The following MTNR1B variants were observed in gnomAD, a reference collection of about 807,000 sequenced individuals.
The protein encoded by MTNR1B is melatonin receptor 1B, also known as melatonin receptor type 1B.
A neutral mutation model predicts 7.0 loss-of-function variants in MTNR1B; 7 were observed. The ratio of observed to expected loss-of-function variants is 1.00; its 90% CI spans 0.57 to 1.88. The LOEUF is 1.88. Among genes scored for constraint, MTNR1B ranks in the 40% most tolerant of loss-of-function variants. The probability of loss-of-function intolerance (pLI) is 0.00; values close to 1 mark genes in which losing one functional copy is unlikely to be tolerated. For missense variants in MTNR1B, 478 were observed against 486.5 expected (o/e 0.98, Z 0.16); for synonymous variants, 226 against 208.2 (o/e 1.09, Z -0.74).
chr11:92,980,946 G>A lies in MTNR1B; in HGVS notation c.224-501G>A, dbSNP rs1463597727. ...TGTAAAGACACTTAGAAAGTAGCCT[G>A]TTAACCAGTGGGGAGAAAATGCAAA... On this transcript the variant is annotated intron_variant, in intron 1 of 1. Coordinates refer to ENST00000257068, the MANE Select transcript of MTNR1B (RefSeq NM_005959.5). Among the ~76,000 whole-genome samples the A allele has an allele frequency of 2.6e-5, 4 of 152,324 alleles. No homozygotes were observed. In the East Asian group the frequency reaches 7.7e-4, roughly 29 times the overall value.
At position 92,982,532 on chromosome 11, in the gene MTNR1B, C is replaced by T; in HGVS notation, c.*220C>T. On this transcript the variant is annotated 3_prime_UTR_variant, in exon 2 of 2. Coordinates refer to ENST00000257068, the MANE Select transcript of MTNR1B (RefSeq NM_005959.5). ...CAGGCCACAGGACCTGGAAAACACTCTTGGTGGTGTCTTGGGGATTTGGTG... is the reference window on the plus strand; with the variant it reads ...CAGGCCACAGGACCTGGAAAACACTTTTGGTGGTGTCTTGGGGATTTGGTG... 1.7e-6 allele frequency: 1 copy of T among 584,860 alleles called. No homozygotes were observed. Among genetic ancestry groups the T allele is most frequent in the Admixed American group, 3.2e-5 (1 of 31,668 alleles). The allele number at this position is 584,860 out of a possible 1,614,324, so 36.2% of individuals were successfully genotyped here.
At chr11:92,974,169 T>G (rs1857975606) in intron 1 of MTNR1B, among the ~76,000 whole-genome samples, 1 of 152,180 alleles carries the variant, frequency 6.6e-6, no homozygotes, top group Non-Finnish European at 1.5e-5. Flanking sequence ...CCTACCCATG[T>G]CTCATCTTGA....
At chr11:92,976,577 A>C (rs1337932905) in intron 1 of MTNR1B, among the ~76,000 whole-genome samples, 2 of 152,044 alleles carry the variant, frequency 1.3e-5, no homozygotes, top group Non-Finnish European at 2.9e-5. Flanking sequence ...CCTAAGCGCC[A>C]CTCTCTATCT....
chr11:92,972,835 T>A (rs1208213981), intron 1 of MTNR1B, among the ~76,000 whole-genome samples: 1 of 152,176 alleles, frequency 6.6e-6, no homozygotes, highest in African/African-American at 2.4e-5. Context: ...TTCTGGAAAC[T>A]TCCTCCATGT....
At position 92,981,768 on chromosome 11, in the gene MTNR1B, A is replaced by G; in HGVS notation, c.545A>G (p.Glu182Gly). ...CCCAACTTCTTTGTGGGGTCCCTGG[A>G]GTACGACCCACGCATCTATTCCTGC... The part of the protein sequence containing the change: ...LLPNFFVGSL[E>G]YDPRIYSCTF... Residue 182 changes from glutamate (E) to glycine (G), a missense_variant, in exon 2 of 2, where the codon GAG becomes GGG. By Grantham distance (98) the Glu-to-Gly change is moderately conservative. Transcript: ENST00000257068. The G allele has an allele frequency of 1.2e-6, 2 of 1,614,188 alleles. No individual in the cohort carries two copies. The highest frequency in any genetic ancestry group is 8.5e-7 in the Non-Finnish European group (1 of 1,180,038).
chr11:92,974,757 C>G (rs927794414), intron 1 of MTNR1B, among the ~76,000 whole-genome samples: 1 of 152,176 alleles, frequency 6.6e-6, no homozygotes, highest in Non-Finnish European at 1.5e-5. Flanking sequence ...CGACCGCCAC[C>G]TCGCCCGGCT....
intron 1 of MTNR1B, among the ~76,000 whole-genome samples, chr11:92,976,582 C>T (rs548617998): frequency 1.3e-3 from 195 of 152,336 alleles, no homozygotes; most frequent in African/African-American, 4.6e-3. Context: ...GCGCCACTCT[C>T]TATCTCCTTC....
intron 1 of MTNR1B, among the ~76,000 whole-genome samples, chr11:92,974,793 A>G (rs994717124): frequency 6.3e-4 from 96 of 152,138 alleles, no homozygotes; most frequent in Middle Eastern, 3.4e-3. Flanking sequence ...TAGTAGAGAC[A>G]GGGTTTCACC....
chr11:92,971,850 G>A (rs374066069), intron 1 of MTNR1B, among the ~76,000 whole-genome samples: 2 of 152,136 alleles, frequency 1.3e-5, no homozygotes, highest in East Asian at 1.9e-4. Context: ...AGGGTCATGA[G>A]CATGTTAAAT....
rs751169692 is a variant in MTNR1B at position 92,981,684 on chromosome 11, G to A, written c.461G>A (p.Arg154His). Residue 154 changes from arginine to histidine, a missense_variant, in exon 2 of 2, where the codon CGC becomes CAC. Transcript: ENST00000257068. ...HSMAYHRIYRRWHTPLHICLI... is the reference protein window; with the variant it reads ...HSMAYHRIYRHWHTPLHICLI... The stretch of plus-strand genomic sequence containing the variant: ...ATGGCCTACCACCGAATCTACCGGC[G>A]CTGGCACACCCCTCTGCACATCTGC... The A allele has an allele frequency of 4.0e-5, 65 of 1,614,074 alleles. No homozygotes were observed. The highest frequency in any genetic ancestry group is 5.3e-5 in the Non-Finnish European group (62 of 1,180,044).
Position 92,974,720 on chromosome 11 carries a change from A to G in MTNR1B, c.223+4772A>G, listed in dbSNP as rs183688484. Among the ~76,000 whole-genome samples the G allele has an allele frequency of 6.6e-5, 10 of 151,966 alleles. No homozygotes were observed. The East Asian group carries it at 2.0e-3, about 30-fold the overall frequency. ...GGGGTTCATGCCATTCTCTTGCCTC[A>G]GCCTCCCGAGTAGCTGGGACTACAG... On this transcript the variant is annotated intron_variant, in intron 1 of 1. Transcript: ENST00000257068.
chr11:92,970,891 A>T (rs1479805354), intron 1 of MTNR1B, among the ~76,000 whole-genome samples: 1 of 152,220 alleles, frequency 6.6e-6, no homozygotes, highest in Non-Finnish European at 1.5e-5. Context: ...TAGCTTAAAA[A>T]TGCTTTTCTA....
At chr11:92,978,710 T>G (rs1052467973) in intron 1 of MTNR1B, among the ~76,000 whole-genome samples, 1 of 152,198 alleles carries the variant, frequency 6.6e-6, no homozygotes, top group African/African-American at 2.4e-5. Context: ...AGTGGTTGAT[T>G]TCAGCCTTTT....
rs1858116365 is a variant in MTNR1B, at chr11:92,981,961, C to G, written c.738C>G (p.Asp246Glu). Residue 246 changes from aspartate to glutamate, a missense_variant, in exon 2 of 2, where the codon GAC (aspartate) becomes GAG (glutamate). Coordinates refer to ENST00000257068, the MANE Select transcript of MTNR1B (RefSeq NM_005959.5). Reference sequence around the variant, plus strand: ...GCAGGCTGTGCCTGAAGCCCAGCGACTTGCGGAGCTTTCTAACCATGTTTG... The same window carrying G: ...GCAGGCTGTGCCTGAAGCCCAGCGAGTTGCGGAGCTTTCTAACCATGTTTG... ...PESRLCLKPS[D>E]LRSFLTMFVV... 6.2e-7 allele frequency: 1 copy of G among 1,614,130 alleles called. No homozygotes were observed.
At position 92,982,493 on chromosome 11, in the gene MTNR1B, C is replaced by T; in HGVS notation, c.*181C>T. 2 of 700,940 alleles carry T rather than the reference C, an allele frequency of 2.9e-6. No homozygotes were observed. The allele number at this position is 700,940 out of a possible 1,614,324, so 43.4% of individuals were successfully genotyped here. A position where few individuals can be genotyped will look rare whatever the true frequency, so the allele number is the denominator to read the frequency against. On this transcript the variant is annotated 3_prime_UTR_variant, in exon 2 of 2. Transcript: ENST00000257068. ...ATCAACGCCATGGGTTCAGGCTGAT[C>T]CAGGAGATGCTCACAGGCCACAGGA...
chr11:92,971,215 C>A (rs1221725688), intron 1 of MTNR1B, among the ~76,000 whole-genome samples: 1 of 152,118 alleles, frequency 6.6e-6, no homozygotes, highest in East Asian at 1.9e-4. Flanking sequence ...CCCGCCTCGG[C>A]CTCCCAAAGT....
At chr11:92,971,683 C>T (rs1288744763) in intron 1 of MTNR1B, among the ~76,000 whole-genome samples, 1 of 152,078 alleles carries the variant, frequency 6.6e-6, no homozygotes, top group East Asian at 1.9e-4. Flanking sequence ...TTTGGATTGC[C>T]CACCATGAGA....
At chr11:92,975,390 G>T (rs1857996603) in intron 1 of MTNR1B, among the ~76,000 whole-genome samples, 1 of 152,212 alleles carries the variant, frequency 6.6e-6, no homozygotes, top group Admixed American at 6.5e-5. Context: ...TGGTAAAGCA[G>T]AAATATATGA....
chr11:92,979,711 G>A (rs986760000), intron 1 of MTNR1B, among the ~76,000 whole-genome samples: 3 of 152,120 alleles, frequency 2.0e-5, no homozygotes, highest in Admixed American at 6.5e-5. Flanking sequence ...TAGGTCTTGA[G>A]AACTCCCAGG....
Sources: gnomAD v4.1 joint callset for allele counts (sites outside exome capture counted in the v4.1 genomes callset) on GRCh38, gnomAD v4.1.1 for gene constraint, MANE v1.5 for transcripts, NCBI Gene and HGNC (gene_info 2026-07-23, HGNC 2026-07-21) for gene names.